The following CNKSR3 variants were observed in gnomAD, a reference collection of about 807,000 sequenced individuals.
CNKSR3 encodes the protein CNKSR family member 3, also known as connector enhancer of kinase suppressor of ras 3.
A neutral mutation model predicts 67.7 loss-of-function variants in CNKSR3; 36 were observed. The ratio of observed to expected loss-of-function variants is 0.53; its 90% CI spans 0.41 to 0.70. CNKSR3 has a LOEUF of 0.70. Ranked by LOEUF, CNKSR3 falls within the 30% of genes least tolerant of loss-of-function variation. CNKSR3 has a pLI of 0.00. For synonymous variants in CNKSR3, 281 were observed against 271.4 expected (o/e 1.04, Z -0.35); for missense variants, 630 against 695.2 (o/e 0.91, Z 1.05).
intron 1 of CNKSR3, among the ~76,000 whole-genome samples, chr6:154,463,675 G>C (rs1261959986): frequency 6.6e-6 from 1 of 152,154 alleles, no homozygotes; most frequent in Non-Finnish European, 1.5e-5. Flanking sequence ...CAGATCCTAT[G>C]CTGCTTGATA....
intron 1 of CNKSR3, among the ~76,000 whole-genome samples, chr6:154,501,443 T>G (rs949885517): frequency 2.0e-4 from 31 of 152,200 alleles, no homozygotes; most frequent in Non-Finnish European, 4.0e-4. Flanking sequence ...ATCTGGCCTC[T>G]GTGTGTCTCT....
At chr6:154,423,267 G>A (rs1348102442) in intron 7 of CNKSR3, among the ~76,000 whole-genome samples, 1 of 152,080 alleles carries the variant, frequency 6.6e-6, no homozygotes, top group Non-Finnish European at 1.5e-5. Context: ...ACTGTCTTTT[G>A]TTTTGTTTTG....
rs1270423509 is a variant in CNKSR3, at chr6:154,396,511, T to G, written c.*9843A>C. 1 of 152,232 alleles carries G rather than the reference T, an allele frequency of 6.6e-6. No homozygotes were observed. The highest frequency in any genetic ancestry group is 2.4e-5 in the African/African-American group (1 of 41,466). The allele number at this position is 152,232 out of a possible 1,614,324, so 9.4% of individuals were successfully genotyped here. On this transcript the variant is annotated 3_prime_UTR_variant, in exon 13 of 13. Coordinates refer to ENST00000607772, the MANE Select transcript of CNKSR3 (RefSeq NM_173515.4). Reference sequence around the variant, plus strand: ...TTACCATCTAGTTACTTCAATAATATTTTCTCTGCCTACAGAGCAAATATA... The same window carrying G: ...TTACCATCTAGTTACTTCAATAATAGTTTCTCTGCCTACAGAGCAAATATA...
At chr6:154,475,985 C>G (rs997956669) in intron 1 of CNKSR3, among the ~76,000 whole-genome samples, 1 of 152,034 alleles carries the variant, frequency 6.6e-6, no homozygotes, top group Non-Finnish European at 1.5e-5. Flanking sequence ...TTGTTTTTAC[C>G]CTGCAAACCC....
chr6:154,475,008 T>G (rs1345289843), intron 1 of CNKSR3, among the ~76,000 whole-genome samples: 14 of 152,196 alleles, frequency 9.2e-5, no homozygotes, highest in Non-Finnish European at 2.1e-4. Flanking sequence ...GCATATACTA[T>G]GTTTACATTG....
Position 154,389,684 on chromosome 6 carries a change from A to ATAC in CNKSR3, c.*16669_*16670insGTA, listed in dbSNP as rs1784586046. ...TCCATTTTTTAAACATGTTAGAATA[A>ATAC]AGGAATTCAATAAAGTTGCATAATA... On this transcript the variant is annotated 3_prime_UTR_variant, in exon 13 of 13. Coordinates refer to ENST00000607772, the MANE Select transcript of CNKSR3 (RefSeq NM_173515.4). The ATAC allele has an allele frequency of 2.6e-5, 4 of 152,252 alleles. No individual in the cohort carries two copies. Among genetic ancestry groups the ATAC allele is most frequent in the African/African-American group, 7.2e-5 (3 of 41,468 alleles). 9.4% of individuals were successfully genotyped at this position (152,252 alleles called of 1,614,324 possible).
chr6:154,497,557 T>C (rs1192993759), intron 1 of CNKSR3, among the ~76,000 whole-genome samples: 1 of 152,230 alleles, frequency 6.6e-6, no homozygotes, highest in Non-Finnish European at 1.5e-5. Context: ...AGGAAATTTG[T>C]ACTTTTTTGG....
chr6:154,427,911 A>C (rs2128714849), intron 7 of CNKSR3, among the ~76,000 whole-genome samples: 1 of 152,318 alleles, frequency 6.6e-6, no homozygotes, highest in Middle Eastern at 3.4e-3. Flanking sequence ...AAAACTGGGC[A>C]AGGTATATGA....
intron 1 of CNKSR3, among the ~76,000 whole-genome samples, chr6:154,456,576 G>A (rs2128720148): frequency 6.6e-6 from 1 of 151,386 alleles, no homozygotes; most frequent in South Asian, 2.1e-4. Flanking sequence ...GCTTGGTGGT[G>A]GGCCCCTGTA....
At chr6:154,499,808 T>A (rs1786946628) in intron 1 of CNKSR3, among the ~76,000 whole-genome samples, 1 of 152,164 alleles carries the variant, frequency 6.6e-6, no homozygotes, top group African/African-American at 2.4e-5. Flanking sequence ...AATGAAGAAT[T>A]TCTCCAGCTC....
rs183465921 is a variant in CNKSR3, at chr6:154,423,367, G to A, written c.730-384C>T. Among the ~76,000 whole-genome samples the A allele has an allele frequency of 4.4e-4, 67 of 152,284 alleles. 1 individual carries two copies. The East Asian group carries it at 0.011, about 25-fold the overall frequency. On this transcript the variant is annotated intron_variant, in intron 7 of 12. Coordinates refer to ENST00000607772, the MANE Select transcript of CNKSR3 (RefSeq NM_173515.4). ...CAACCTCCACTTCCTGGGTTCAAGC[G>A]GATCTCCCCCCTCAGCCTCCCGAGT...
chr6:154,408,700 G>A (rs1784851004), intron 12 of CNKSR3, among the ~76,000 whole-genome samples: 1 of 152,172 alleles, frequency 6.6e-6, no homozygotes. Flanking sequence ...CTGGAATAGT[G>A]GCAACTGGGG....
In CNKSR3 at chr6:154,402,948, T is replaced by C. The variant is rs1784733308; in HGVS notation, c.*3406A>G. On this transcript the variant is annotated 3_prime_UTR_variant, in exon 13 of 13. Transcript: ENST00000607772. ...TGTACATATGAAAATAATTATTTCA[T>C]TATAAAATATCTTATCTGTTTCAGT... 1.3e-5 allele frequency: 2 copies of C among 152,208 alleles called. No individual in the cohort carries two copies. The highest frequency in any genetic ancestry group is 2.9e-5 in the Non-Finnish European group (2 of 68,034). The allele number at this position is 152,208 out of a possible 1,614,324, so 9.4% of individuals were successfully genotyped here.
chr6:154,454,473 G>T (rs1213027410), intron 1 of CNKSR3, among the ~76,000 whole-genome samples: 1 of 152,084 alleles, frequency 6.6e-6, no homozygotes, highest in African/African-American at 2.4e-5. Context: ...GACTGCTTGA[G>T]GCCAGAAGTT....
At chr6:154,457,390 T>C (rs1191258253) in intron 1 of CNKSR3, among the ~76,000 whole-genome samples, 2 of 152,156 alleles carry the variant, frequency 1.3e-5, no homozygotes, top group African/African-American at 2.4e-5. Context: ...GATTTAAATA[T>C]AGCAATTTGA....
At chr6:154,411,210 G>C (rs978521612) in intron 10 of CNKSR3, 68 bp from the exon 11 acceptor site, 7 of 1,079,686 alleles carry the variant, frequency 6.5e-6, no homozygotes, top group Non-Finnish European at 9.8e-6. Context: ...AATTCCAGCA[G>C]TGCTGCTACC....
intron 1 of CNKSR3, among the ~76,000 whole-genome samples, chr6:154,462,516 A>G (rs377483280): frequency 1.3e-5 from 2 of 152,306 alleles, no homozygotes; most frequent in African/African-American, 4.8e-5. Flanking sequence ...CCTTGCTCCA[A>G]GCCCTACTGG....
chr6:154,458,738 C>T (rs1372031783), intron 1 of CNKSR3, among the ~76,000 whole-genome samples: 1 of 152,200 alleles, frequency 6.6e-6, no homozygotes, highest in East Asian at 1.9e-4. Flanking sequence ...GGTTCTCAGG[C>T]TTCCCATCAG....
chr6:154,509,427 C>T (rs940235516), intron 1 of CNKSR3, among the ~76,000 whole-genome samples: 2 of 152,034 alleles, frequency 1.3e-5, no homozygotes, highest in African/African-American at 4.8e-5. Flanking sequence ...GAAAATGCAG[C>T]GCCACCGGGG....
Sources: gnomAD v4.1 joint callset for allele counts (sites outside exome capture counted in the v4.1 genomes callset) on GRCh38, gnomAD v4.1.1 for gene constraint, MANE v1.5 for transcripts, NCBI Gene and HGNC (gene_info 2026-07-23, HGNC 2026-07-21) for gene names.